Variants in F7 observed in about 807,000 individuals in gnomAD.
F7 encodes the protein FVII coagulation protein.
A neutral mutation model predicts 47.5 loss-of-function variants in F7; 38 were observed. The ratio of observed to expected loss-of-function variants is 0.80; its 90% confidence interval spans 0.62 to 1.05. The LOEUF is 1.05. Ranked by LOEUF, F7 falls within the 50% of genes least tolerant of loss-of-function variation. The pLI, the probability that F7 is intolerant of heterozygous loss-of-function variation, is 0.00. For missense variants in F7, 575 were observed against 605.4 expected (o/e 0.95, Z 0.53); for synonymous variants, 244 against 258.5 (o/e 0.94, Z 0.54).
intron 1 of F7, among the ~76,000 whole-genome samples, chr13:113,107,288 AGGAGTGTGGGTGTCCCGGGGGCG>A: frequency 1.8e-5 from 1 of 55,384 alleles, no homozygotes; most frequent in South Asian, 8.4e-4. Context: ...TGGGTGTCCC[AGGAGTGTGGGTGTCCCGGGGGCG>A]TGGGTGTCCC....
chr13:113,107,955 G>T (rs1267489959), intron 1 of F7, among the ~76,000 whole-genome samples: 1 of 72,878 alleles, frequency 1.4e-5, no homozygotes, highest in Non-Finnish European at 2.9e-5. Flanking sequence ...TGTCCCGGGG[G>T]CGTGGGTGTC....
intron 7 of F7, 65 bp downstream of exon 7, chr13:113,117,661 G>A (rs36209233): frequency 1.9e-6 from 3 of 1,541,756 alleles, no homozygotes; most frequent in Non-Finnish European, 1.8e-6. Flanking sequence ...CTGTCCGACC[G>A]CGGTGCTGGG....
At chr13:113,116,594 C>T (rs2036195977) in intron 5 of F7, among the ~76,000 whole-genome samples, 172 bp from the exon 6 acceptor site, 1 of 152,212 alleles carries the variant, frequency 6.6e-6, no homozygotes, top group Non-Finnish European at 1.5e-5. Flanking sequence ...CAGTCAGGCC[C>T]AGCCGAGGCC....
chr13:113,117,284 G>A (rs2036210347), intron 6 of F7, among the ~76,000 whole-genome samples, 189 bp from the exon 7 acceptor site: 2 of 152,234 alleles, frequency 1.3e-5, no homozygotes, highest in Admixed American at 6.5e-5. Flanking sequence ...AGCACGTCTC[G>A]GCTAGAGAGG....
rs191923281 is a variant in F7 at position 113,117,388 on chromosome 13, G to A, written c.616-85G>A. Reference sequence around the variant, plus strand: ...CAGAAAGAAATTGTGCAATGCCAGAGGTTCCTTGGCATGCCCGGGAGGGCG... The same window carrying A: ...CAGAAAGAAATTGTGCAATGCCAGAAGTTCCTTGGCATGCCCGGGAGGGCG... On this transcript the variant is annotated intron_variant, in intron 6 of 7. Coordinates refer to ENST00000346342, the MANE Select transcript of F7 (RefSeq NM_019616.4). 7.4e-5 allele frequency: 118 copies of A among 1,592,134 alleles called. No individual in the cohort carries two copies. The African/African-American group carries it at 1.5e-3, about 20-fold the overall frequency.
intron 1 of F7, 145 bp downstream of exon 1, chr13:113,106,050 T>C: frequency 3.0e-6 from 2 of 656,162 alleles, no homozygotes; most frequent in South Asian, 4.4e-5. Flanking sequence ...GTTCAATTTC[T>C]TTCCTTCTAG....
At chr13:113,107,298 G>A (rs2035982369) in intron 1 of F7, among the ~76,000 whole-genome samples, 2 of 125,610 alleles carry the variant, frequency 1.6e-5, no homozygotes, top group African/African-American at 6.1e-5. Context: ...AGGAGTGTGG[G>A]TGTCCCGGGG....
At chr13:113,114,252 C>T (rs1376028871) in intron 4 of F7, among the ~76,000 whole-genome samples, 1 of 152,202 alleles carries the variant, frequency 6.6e-6, no homozygotes, top group Non-Finnish European at 1.5e-5. Flanking sequence ...TGTCCCTGTC[C>T]CACTTCCACA....
rs1013854324 is a variant in F7 at position 113,113,978 on chromosome 13, G to T, written c.364+18G>T. ...TGAGACGCGTAAGGCCCCACTTTGG[G>T]TCCCATATTTGCAGAGGGCCCTGGG... On this transcript the variant is annotated intron_variant, in intron 4 of 7. Transcript: ENST00000346342. The surrounding 1 kb of genome is among the most constrained non-coding windows in gnomAD (Gnocchi z 4.1). 7 of 1,613,420 alleles carry T rather than the reference G, an allele frequency of 4.3e-6. No homozygotes were observed. The African/African-American group carries it at 8.0e-5, about 18-fold the overall frequency.
rs1054772846 is a variant in F7, at chr13:113,120,256, C to G, written c.*1248C>G. On this transcript the variant is annotated 3_prime_UTR_variant, in exon 8 of 8. Coordinates refer to ENST00000346342, the MANE Select transcript of F7 (RefSeq NM_019616.4). ...TTGTCAATGATATTTCACAGAGACC[C>G]TGGGAGCACCTGCTCAAGAGTCAGG... The G allele has an allele frequency of 2.0e-5, 3 of 152,236 alleles. No homozygotes were observed. The highest frequency in any genetic ancestry group is 7.2e-5 in the African/African-American group (3 of 41,448). The allele number at this position is 152,236 out of a possible 1,614,324, so 9.4% of individuals were successfully genotyped here.
At position 113,119,919 on chromosome 13, in the gene F7, A is replaced by G. The variant is rs1184379293; in HGVS notation, c.*911A>G. ...GCGAATGCCCCCAAACTCTCCCCCAAATGTATTTCTCCCTTCGCTGGGTGC... is the reference window on the plus strand; with the variant it reads ...GCGAATGCCCCCAAACTCTCCCCCAGATGTATTTCTCCCTTCGCTGGGTGC... On this transcript the variant is annotated 3_prime_UTR_variant, in exon 8 of 8. Transcript: ENST00000346342. The G allele has an allele frequency of 6.6e-6, 1 of 152,124 alleles. No individual in the cohort carries two copies. The highest frequency in any genetic ancestry group is 2.4e-5 in the African/African-American group (1 of 41,376). The allele number at this position is 152,124 out of a possible 1,614,324, so 9.4% of individuals were successfully genotyped here.
At chr13:113,109,920 C>A (rs111607063) in intron 1 of F7, among the ~76,000 whole-genome samples, 1 of 152,232 alleles carries the variant, frequency 6.6e-6, no homozygotes, top group South Asian at 2.1e-4. Flanking sequence ...TCGCCCTGGG[C>A]GTCTCTGGCC....
chr13:113,116,853 C>T lies in F7; in HGVS notation c.593C>T (p.Pro198Leu). ...CGAATTGTGGGGGGCAAGGTGTGCCCCAAAGGGGAGTGTCCATGGCAGGTA... is the reference window on the plus strand; with the variant it reads ...CGAATTGTGGGGGGCAAGGTGTGCCTCAAAGGGGAGTGTCCATGGCAGGTA... ...QGRIVGGKVC[P>L]KGECPWQVLL... is the part of the protein sequence containing the mutation. The change falls in exon 6 of 8, where the codon CCC becomes CTC. Residue 198 changes from proline (P) to leucine (L), a missense_variant. Pro to Leu is a moderately conservative substitution (Grantham distance 98, BLOSUM62 -3). Transcript: ENST00000346342. 1 of 1,613,676 alleles carries T rather than the reference C, an allele frequency of 6.2e-7. No individual in the cohort carries two copies. Among genetic ancestry groups the T allele is most frequent in the Non-Finnish European group, 8.5e-7 (1 of 1,179,976 alleles).
chr13:113,114,272 G>A (rs138460825), intron 4 of F7, among the ~76,000 whole-genome samples: 7 of 152,078 alleles, frequency 4.6e-5, no homozygotes, highest in East Asian at 1.9e-4. Context: ...ATCCCACCAC[G>A]CAGGACCGCT....
chr13:113,118,516 C>T lies in F7; in HGVS notation c.843C>T (p.Ile281=), dbSNP rs1207188093. ...TYVPGTTNHD[I]ALLRLHQPVV... is the part of the protein sequence containing the mutation. ...TCCCGGGCACCACCAACCACGACATCGCGCTGCTCCGCCTGCACCAGCCCG... is the reference window on the plus strand; with the variant it reads ...TCCCGGGCACCACCAACCACGACATTGCGCTGCTCCGCCTGCACCAGCCCG... The change falls in exon 8 of 8, where the codon ATC becomes ATT. Residue 281 remains isoleucine (I), a synonymous_variant. Transcript: ENST00000346342. 4.8e-5 allele frequency: 78 copies of T among 1,611,422 alleles called. No homozygotes were observed. The highest frequency in any genetic ancestry group is 6.4e-5 in the Non-Finnish European group (75 of 1,179,902).
In F7 at chr13:113,116,847, T is replaced by C. The variant is rs953184897; in HGVS notation, c.587T>C (p.Val196Ala). The C allele has an allele frequency of 1.2e-6, 2 of 1,613,578 alleles. No homozygotes were observed. Among genetic ancestry groups the C allele is most frequent in the African/African-American group, 2.7e-5 (2 of 74,952 alleles). Residue 196 changes from valine (V) to alanine (A), a missense_variant, in exon 6 of 8, where the codon GTG (valine) becomes GCG (alanine). Transcript: ENST00000346342. ...KPQGRIVGGK[V>A]CPKGECPWQV... ...CAAGGCCGAATTGTGGGGGGCAAGG[T>C]GTGCCCCAAAGGGGAGTGTCCATGG... is the stretch of plus-strand genomic sequence containing the variant.
chr13:113,115,012 A>G (rs185368226), intron 4 of F7: 8 of 158,032 alleles, frequency 5.1e-5, no homozygotes, highest in African/African-American at 1.9e-4. Flanking sequence ...CCTGCTGGTC[A>G]TCTGGGTCCA....
chr13:113,117,400 T>C, intron 6 of F7, 73 bp from the exon 7 acceptor site: 2 of 1,600,226 alleles, frequency 1.2e-6, no homozygotes, highest in East Asian at 2.2e-5. Context: ...TTCCTTGGCA[T>C]GCCCGGGAGG....
intron 1 of F7, among the ~76,000 whole-genome samples, chr13:113,108,870 CGGAGGCG>C (rs2036029441): frequency 1.5e-5 from 1 of 65,244 alleles, no homozygotes; most frequent in Non-Finnish European, 3.1e-5. Context: ...GTGGGTGTTC[CGGAGGCG>C]AGGGTGTCCC....
Sources: gnomAD v4.1 joint callset for allele counts (sites outside exome capture counted in the v4.1 genomes callset) on GRCh38, gnomAD v4.1.1 for gene constraint, Gnocchi (gnomAD v3.1) non-coding constraint, MANE v1.5 for transcripts, NCBI Gene and HGNC (gene_info 2026-07-23, HGNC 2026-07-21) for gene names.